The following KLHL1 variants were observed in gnomAD, a reference collection of about 807,000 sequenced individuals.
KLHL1 encodes kelch-like protein 1.
KLHL1 carries 47 observed loss-of-function variants against 77.7 expected under a neutral mutation model. That is an observed-to-expected ratio of 0.60 (90% CI 0.48 to 0.77). The LOEUF (loss-of-function observed/expected upper bound fraction) is 0.77. KLHL1 is among the 30% of genes least tolerant of loss of function. KLHL1 has a pLI of 0.00. For synonymous variants in KLHL1, 360 were observed against 325.2 expected (o/e 1.11, Z -1.15); for missense variants, 925 against 910.8 (o/e 1.02, Z -0.20).
Position 69,849,990 on chromosome 13 carries a change from T to G in KLHL1, c.1228-10828A>C, listed in dbSNP as rs189214277. Among the ~76,000 whole-genome samples, 3 of 151,672 alleles carry G rather than the reference T, an allele frequency of 2.0e-5. No homozygotes were observed. In the East Asian group the frequency reaches 5.8e-4, roughly 29 times the overall value. ...TATTAGAAACCTCTTTGCTAAACAATCAACCAAATATCTATATTACTAAAT... is the reference window on the plus strand; with the variant it reads ...TATTAGAAACCTCTTTGCTAAACAAGCAACCAAATATCTATATTACTAAAT... On this transcript the variant is annotated intron_variant, in intron 5 of 10. Coordinates refer to ENST00000377844, the MANE Select transcript of KLHL1 (RefSeq NM_020866.3).
intron 7 of KLHL1, among the ~76,000 whole-genome samples, chr13:69,793,845 A>G (rs1020479493): frequency 1.3e-5 from 2 of 152,198 alleles, no homozygotes; most frequent in Non-Finnish European, 2.9e-5. Flanking sequence ...TGAGTGAGAT[A>G]AAAATTTAGA....
chr13:69,999,637 G>A (rs572932882), intron 1 of KLHL1, among the ~76,000 whole-genome samples: 68 of 152,062 alleles, frequency 4.5e-4, no homozygotes, highest in African/African-American at 1.5e-3. Context: ...GACTCTGTCT[G>A]GAAACCAGGA....
chr13:69,802,390 C>T (rs537056944), intron 6 of KLHL1, among the ~76,000 whole-genome samples: 3 of 151,984 alleles, frequency 2.0e-5, no homozygotes, highest in Non-Finnish European at 2.9e-5. Flanking sequence ...CCAAGAACTC[C>T]CACTATTGAG....
chr13:70,058,113 C>G (rs904629267), intron 1 of KLHL1, among the ~76,000 whole-genome samples: 1 of 152,130 alleles, frequency 6.6e-6, no homozygotes, highest in Non-Finnish European at 1.5e-5. Context: ...CCATATATGA[C>G]AGTCCCACAG....
rs145378724 is a variant in KLHL1 at position 69,843,004 on chromosome 13, A to G, written c.1228-3842T>C. Among the ~76,000 whole-genome samples the G allele has an allele frequency of 6.6e-3, 1,001 of 151,862 alleles. 7 individuals carry two copies. The highest frequency in any genetic ancestry group is 7.8e-3 in the Non-Finnish European group (526 of 67,782). ...AAGAAAATTCATTATATGGAGGTAG[A>G]GAGTTGAAAGACAGATAACAGAGAC... On this transcript the variant is annotated intron_variant, in intron 5 of 10. Coordinates refer to ENST00000377844, the MANE Select transcript of KLHL1 (RefSeq NM_020866.3).
At chr13:70,038,581 ATTTTTTTTTT>A (rs55885952) in intron 1 of KLHL1, among the ~76,000 whole-genome samples, 9 of 73,030 alleles carry the variant, frequency 1.2e-4, no homozygotes, top group Non-Finnish European at 2.2e-4. Flanking sequence ...ATTGTCATTA[ATTTTTTTTTT>A]TTTTTTTTTT....
chr13:70,040,881 A>T (rs73214616), intron 1 of KLHL1, among the ~76,000 whole-genome samples: 3,008 of 152,162 alleles, frequency 0.02, 59 homozygotes, highest in Non-Finnish European at 0.027. Context: ...TTGATATTTC[A>T]TTGTATCCTA....
At chr13:69,762,243 T>A (rs1717599398) in intron 7 of KLHL1, among the ~76,000 whole-genome samples, 2 of 152,094 alleles carry the variant, frequency 1.3e-5, no homozygotes, top group Non-Finnish European at 2.9e-5. Flanking sequence ...ACTAACTGAA[T>A]TAACTGAATT....
chr13:70,092,827 C>T (rs1351995684), intron 1 of KLHL1, among the ~76,000 whole-genome samples: 1 of 151,982 alleles, frequency 6.6e-6, no homozygotes, highest in African/African-American at 2.4e-5. Flanking sequence ...TAAAATTAAA[C>T]AAATAGAGGA....
chr13:70,099,515 G>A (rs1374329149), intron 1 of KLHL1, among the ~76,000 whole-genome samples: 1 of 151,928 alleles, frequency 6.6e-6, no homozygotes, highest in African/African-American at 2.4e-5. Context: ...TGTAAAGTAA[G>A]TATAATGGAT....
chr13:69,767,717 T>C (rs1875374994), intron 7 of KLHL1, among the ~76,000 whole-genome samples: 1 of 152,180 alleles, frequency 6.6e-6, no homozygotes, highest in African/African-American at 2.4e-5. Context: ...GTTTTCTCAG[T>C]ATTTTGTCTT....
At chr13:69,806,591 G>A (rs190540025) in intron 6 of KLHL1, among the ~76,000 whole-genome samples, 45 of 152,240 alleles carry the variant, frequency 3.0e-4, no homozygotes, top group African/African-American at 7.0e-4. Flanking sequence ...GACCCTGGAC[G>A]TGGGGAAACA....
intron 4 of KLHL1, among the ~76,000 whole-genome samples, chr13:69,901,114 AATAG>A (rs1881839440): frequency 6.6e-6 from 1 of 152,248 alleles, no homozygotes; most frequent in Non-Finnish European, 1.5e-5. Context: ...TGTACATGCA[AATAG>A]ATAGAATAGA....
chr13:69,794,407 G>A (rs997697416), intron 7 of KLHL1, among the ~76,000 whole-genome samples: 6 of 151,968 alleles, frequency 3.9e-5, no homozygotes, highest in Non-Finnish European at 8.8e-5. Flanking sequence ...GTATTTCAGA[G>A]GCTGCAACTA....
intron 9 of KLHL1, among the ~76,000 whole-genome samples, chr13:69,711,352 T>C (rs777887610): frequency 6.6e-6 from 1 of 151,908 alleles, no homozygotes; most frequent in African/African-American, 2.4e-5. Flanking sequence ...TAAATGAAGG[T>C]CCATGCTGTG....
chr13:70,075,540 CAT>C (rs35414727), intron 1 of KLHL1, among the ~76,000 whole-genome samples: 1 of 107,708 alleles, frequency 9.3e-6, no homozygotes, highest in African/African-American at 3.5e-5. Context: ...ATATTGCATA[CAT>C]ATATATATAC....
intron 7 of KLHL1, among the ~76,000 whole-genome samples, chr13:69,764,218 T>A (rs1293198030): frequency 6.6e-6 from 1 of 152,218 alleles, no homozygotes; most frequent in Non-Finnish European, 1.5e-5. Context: ...TCACAGGTGA[T>A]CAACTGTTAA....
intron 1 of KLHL1, among the ~76,000 whole-genome samples, chr13:70,033,013 T>C (rs927520911): frequency 4.6e-5 from 7 of 152,224 alleles, no homozygotes; most frequent in African/African-American, 1.4e-4. Context: ...CATTTATTAA[T>C]CTGAGTCTGT....
At chr13:70,004,231 G>T (rs990854661) in intron 1 of KLHL1, among the ~76,000 whole-genome samples, 8 of 151,760 alleles carry the variant, frequency 5.3e-5, no homozygotes, top group Non-Finnish European at 8.8e-5. Flanking sequence ...GTTGAGGATG[G>T]GGAAGCTACC....
Sources: gnomAD v4.1 joint callset for allele counts (sites outside exome capture counted in the v4.1 genomes callset) on GRCh38, gnomAD v4.1.1 for gene constraint, MANE v1.5 for transcripts, NCBI Gene and HGNC (gene_info 2026-07-23, HGNC 2026-07-21) for gene names.